FMN2: variants seen among roughly 807,000 people sequenced by gnomAD.
FMN2 encodes the protein formin-2.
FMN2 carries 51 observed loss-of-function variants against 142.3 expected under a neutral mutation model. That is an observed-to-expected ratio of 0.36 (90% CI 0.29 to 0.45). The LOEUF (loss-of-function observed/expected upper bound fraction) is 0.45, where lower values mean the gene tolerates loss of function less well. Ranked by LOEUF, FMN2 falls within the 20% of genes least tolerant of loss-of-function variation. The probability of loss-of-function intolerance (pLI) is 1.00; values close to 1 mark genes in which losing one functional copy is unlikely to be tolerated. For missense variants in FMN2, 1,936 were observed against 2,122.8 expected, an observed-to-expected ratio of 0.91 and a Z score of 1.73; for synonymous variants, 882 against 869.8, an observed-to-expected ratio of 1.01 and a Z score of -0.25.
chr1:240,212,942 T>G (rs374876870), intron 6 of FMN2, among the ~76,000 whole-genome samples: 124 of 152,174 alleles, frequency 8.1e-4, no homozygotes, highest in African/African-American at 2.9e-3. Context: ...TTTTTTTGTG[T>G]TTTTTTGTTT....
At chr1:240,229,666 A>AT (rs1667471629) in intron 6 of FMN2, among the ~76,000 whole-genome samples, 1 of 151,710 alleles carries the variant, frequency 6.6e-6, no homozygotes, top group Admixed American at 6.6e-5. Context: ...TTTTATTTTT[A>AT]TTTTTTTAAG....
intron 14 of FMN2, among the ~76,000 whole-genome samples, chr1:240,368,035 T>C (rs1460963393): frequency 6.6e-6 from 1 of 152,176 alleles, no homozygotes; most frequent in Admixed American, 6.6e-5. Context: ...ATGTAGGAAC[T>C]TTCCATATAT....
At chr1:240,470,198 C>T (rs1676760101) in intron 16 of FMN2, among the ~76,000 whole-genome samples, 1 of 114,890 alleles carries the variant, frequency 8.7e-6, no homozygotes, top group South Asian at 3.0e-4. Flanking sequence ...TGGATTTTGA[C>T]TAAGTGCTGA....
chr1:240,184,402 A>ATTT (rs1665298253), intron 3 of FMN2, among the ~76,000 whole-genome samples: 1 of 150,774 alleles, frequency 6.6e-6, no homozygotes, highest in Non-Finnish European at 1.5e-5. Flanking sequence ...AGGCCGGCTC[A>ATTT]TTTTTGTATT....
chr1:240,427,308 C>A (rs1169957485), intron 15 of FMN2, among the ~76,000 whole-genome samples: 1 of 151,728 alleles, frequency 6.6e-6, no homozygotes, highest in African/African-American at 2.4e-5. Context: ...TGGGTTCACG[C>A]CATTCTCCTG....
At chr1:240,430,730 A>C (rs1421518536) in intron 15 of FMN2, among the ~76,000 whole-genome samples, 6 of 150,208 alleles carry the variant, frequency 4.0e-5, no homozygotes, top group South Asian at 2.1e-4. Context: ...AAAAAAAAAA[A>C]AACTTTCCTA....
At chr1:240,380,078 T>C (rs1044117073) in intron 14 of FMN2, among the ~76,000 whole-genome samples, 24 of 152,230 alleles carry the variant, frequency 1.6e-4, no homozygotes, top group African/African-American at 5.3e-4. Context: ...AGTCAGATTA[T>C]AAAGGCAGAA....
At chr1:240,242,763 A>AC (rs1667953901) in intron 6 of FMN2, among the ~76,000 whole-genome samples, 1 of 152,152 alleles carries the variant, frequency 6.6e-6, no homozygotes, top group Non-Finnish European at 1.5e-5. Flanking sequence ...TTTCACCCAC[A>AC]CTATAGCTTG....
At chr1:240,440,078 A>G (rs1457258158) in intron 16 of FMN2, among the ~76,000 whole-genome samples, 1 of 152,200 alleles carries the variant, frequency 6.6e-6, no homozygotes, top group Non-Finnish European at 1.5e-5. Context: ...GGGACTGATG[A>G]CGTTGTCACT....
At chr1:240,180,216 C>T (rs916335637) in intron 3 of FMN2, 38 of 1,254,614 alleles carry the variant, frequency 3.0e-5, no homozygotes, top group Non-Finnish European at 4.0e-5. Context: ...TTATTTTTCT[C>T]TTGTTGATCT....
At chr1:240,451,084 T>G (rs746086663) in intron 16 of FMN2, among the ~76,000 whole-genome samples, 2 of 152,172 alleles carry the variant, frequency 1.3e-5, no homozygotes, top group Non-Finnish European at 2.9e-5. Flanking sequence ...AGCATTTGTC[T>G]TGGCTGGGCG....
At chr1:240,385,035 C>G (rs1673364208) in intron 14 of FMN2, among the ~76,000 whole-genome samples, 1 of 152,092 alleles carries the variant, frequency 6.6e-6, no homozygotes, top group African/African-American at 2.4e-5. Flanking sequence ...GCTAGACATT[C>G]AAATGTTGAC....
At chr1:240,443,764 T>G (rs1045684833) in intron 16 of FMN2, among the ~76,000 whole-genome samples, 1 of 151,032 alleles carries the variant, frequency 6.6e-6, no homozygotes, top group African/African-American at 2.4e-5. Flanking sequence ...AAAAAAAAAA[T>G]TTTTTTTTCA....
At chr1:240,319,868 G>T (rs1388556417) in intron 8 of FMN2, among the ~76,000 whole-genome samples, 1 of 152,134 alleles carries the variant, frequency 6.6e-6, no homozygotes, top group Non-Finnish European at 1.5e-5. Flanking sequence ...TATCATAGCC[G>T]CCTGTTTCCC....
chr1:240,246,949 T>C (rs1182108882), intron 6 of FMN2, among the ~76,000 whole-genome samples: 1 of 152,200 alleles, frequency 6.6e-6, no homozygotes, highest in Non-Finnish European at 1.5e-5. Context: ...CTTCATTGTA[T>C]TGTGGTCACT....
At chr1:240,168,545 C>G (rs1400032488) in intron 2 of FMN2, among the ~76,000 whole-genome samples, 1 of 152,168 alleles carries the variant, frequency 6.6e-6, no homozygotes, top group Non-Finnish European at 1.5e-5. Context: ...CCTGTGATCA[C>G]ACTACTGCAC....
intron 7 of FMN2, among the ~76,000 whole-genome samples, chr1:240,286,581 T>C (rs2102946583): frequency 6.6e-6 from 1 of 152,336 alleles, no homozygotes; most frequent in East Asian, 1.9e-4. Context: ...CACATTTTGT[T>C]GCTGTCATCT....
At chr1:240,314,699 C>A (rs1167083975) in intron 8 of FMN2, among the ~76,000 whole-genome samples, 1 of 152,110 alleles carries the variant, frequency 6.6e-6, no homozygotes, top group Non-Finnish European at 1.5e-5. Flanking sequence ...ATAATGGAAA[C>A]CCTTGTTTGC....
rs568582548 is a variant in FMN2, at chr1:240,199,942, G to T, written c.1987-6857G>T. Among the ~76,000 whole-genome samples the T allele has an allele frequency of 9.9e-4, 150 of 152,240 alleles. 2 individuals are homozygous for T. The South Asian group carries it at 0.02, about 21-fold the overall frequency. ...TGATAGGAAAAGCCATTAGCTTTCC[G>T]TAAACTGTTGCACAATCACTGGAAA... On this transcript the variant is annotated intron_variant, in intron 4 of 17. Coordinates refer to ENST00000319653, the MANE Select transcript of FMN2 (RefSeq NM_020066.5).
Sources: gnomAD v4.1 joint callset for allele counts (sites outside exome capture counted in the v4.1 genomes callset) on GRCh38, gnomAD v4.1.1 for gene constraint, MANE v1.5 for transcripts, NCBI Gene and HGNC (gene_info 2026-07-23, HGNC 2026-07-21) for gene names.